SLC49A4: variants seen among roughly 807,000 people sequenced by gnomAD.
SLC49A4 encodes the protein disrupted in renal cancer protein 2.
Under a neutral mutation model 50.6 loss-of-function variants are expected in SLC49A4, and 36 were observed. That is an observed-to-expected ratio of 0.71 (90% CI 0.55 to 0.94). The LOEUF (loss-of-function observed/expected upper bound fraction) is 0.94, where lower values mean the gene tolerates loss of function less well. Ranked by LOEUF, SLC49A4 falls within the 40% of genes least tolerant of loss-of-function variation. The pLI is 0.00. For synonymous variants in SLC49A4, 248 were observed against 241.2 expected (o/e 1.03, Z -0.26); for missense variants, 503 against 605.7 (o/e 0.83, Z 1.78).
At chr3:122,812,662 T>C (rs1185815539) in intron 2 of SLC49A4, among the ~76,000 whole-genome samples, 2 of 152,226 alleles carry the variant, frequency 1.3e-5, no homozygotes. Flanking sequence ...CTCATTTAAA[T>C]TTGAGAACTA....
At chr3:122,845,186 A>T (rs1441983543) in intron 4 of SLC49A4, among the ~76,000 whole-genome samples, 1 of 152,002 alleles carries the variant, frequency 6.6e-6, no homozygotes, top group Non-Finnish European at 1.5e-5. Flanking sequence ...CTTGATGTTT[A>T]GCTCCCACTG....
intron 6 of SLC49A4, among the ~76,000 whole-genome samples, chr3:122,859,137 C>T (rs535844200): frequency 1.3e-5 from 2 of 152,304 alleles, no homozygotes; most frequent in African/African-American, 4.8e-5. Flanking sequence ...GGAAAGACTT[C>T]TTCACTGAGC....
chr3:122,826,846 G>C lies in SLC49A4; in HGVS notation c.484G>C (p.Val162Leu). 1 of 1,614,148 alleles carries C rather than the reference G, an allele frequency of 6.2e-7. No homozygotes were observed. Among genetic ancestry groups the C allele is most frequent in the African/African-American group, 1.3e-5 (1 of 75,048 alleles). Reference sequence around the variant, plus strand: ...GTTAAATGGATTGGCAGGTCCAACTGTAATGAATGCAGCACCATTTCTCTC... The same window carrying C: ...GTTAAATGGATTGGCAGGTCCAACTCTAATGAATGCAGCACCATTTCTCTC... ...QMLNGLAGPT[V>L]MNAAPFLSTT... Residue 162 changes from valine (V) to leucine (L), a missense_variant, in exon 3 of 9, where the codon GTA (valine) becomes CTA (leucine). Transcript: ENST00000261038.
intron 2 of SLC49A4, among the ~76,000 whole-genome samples, chr3:122,813,158 G>A (rs975187930): frequency 6.6e-6 from 1 of 151,446 alleles, no homozygotes; most frequent in Non-Finnish European, 1.5e-5. Flanking sequence ...GCTGAAGCAG[G>A]AGAATCCGGG....
At chr3:122,877,199 A>G (rs78833162) in intron 8 of SLC49A4, among the ~76,000 whole-genome samples, 1,600 of 152,302 alleles carry the variant, frequency 0.011, 29 homozygotes, top group African/African-American at 0.037. Flanking sequence ...AGAGCACCTA[A>G]ACAGTGGTTT....
At chr3:122,840,740 G>C (rs1936759507) in intron 4 of SLC49A4, among the ~76,000 whole-genome samples, 1 of 152,080 alleles carries the variant, frequency 6.6e-6, no homozygotes, top group African/African-American at 2.4e-5. Flanking sequence ...GAATATTTCA[G>C]ATATCACTAA....
chr3:122,860,010 T>G, intron 6 of SLC49A4, 65 bp from the exon 7 acceptor site: 2 of 1,291,782 alleles, frequency 1.5e-6, no homozygotes, highest in South Asian at 4.2e-5. Flanking sequence ...TTAGTGAAAG[T>G]GTGTCATTTG....
intron 2 of SLC49A4, among the ~76,000 whole-genome samples, chr3:122,818,381 G>GA (rs886636534): frequency 2.6e-5 from 4 of 152,074 alleles, no homozygotes; most frequent in African/African-American, 9.7e-5. Flanking sequence ...GAAAAGACTG[G>GA]AAAATCAAAA....
At chr3:122,841,622 A>T (rs562883642) in intron 4 of SLC49A4, among the ~76,000 whole-genome samples, 2 of 152,382 alleles carry the variant, frequency 1.3e-5, no homozygotes, top group African/African-American at 4.8e-5. Flanking sequence ...AAATAAAATT[A>T]AAAACTCAGT....
At chr3:122,838,618 A>T (rs969606494) in intron 4 of SLC49A4, among the ~76,000 whole-genome samples, 1 of 151,946 alleles carries the variant, frequency 6.6e-6, no homozygotes, top group Non-Finnish European at 1.5e-5. Flanking sequence ...ATGACGAGTT[A>T]ATGGGTGCAG....
chr3:122,848,722 A>G (rs561189376), intron 5 of SLC49A4, among the ~76,000 whole-genome samples: 4 of 149,328 alleles, frequency 2.7e-5, no homozygotes, highest in African/African-American at 9.8e-5. Flanking sequence ...TTTGGGGGGG[A>G]TATATAATAT....
chr3:122,870,487 G>A (rs1438654657), intron 7 of SLC49A4, among the ~76,000 whole-genome samples: 1 of 151,598 alleles, frequency 6.6e-6, no homozygotes, highest in Non-Finnish European at 1.5e-5. Flanking sequence ...GGGATTACAG[G>A]CATGAGCCAT....
At chr3:122,844,753 T>G (rs9828317) in intron 4 of SLC49A4, among the ~76,000 whole-genome samples, 87,946 of 150,966 alleles carry the variant, frequency 0.58, 26,285 homozygotes, top group Middle Eastern at 0.67. Flanking sequence ...TTGCACTCCA[T>G]CCTGGGCTAC....
intron 4 of SLC49A4, 75 bp from the exon 5 acceptor site, chr3:122,845,688 C>G: frequency 2.1e-6 from 1 of 467,976 alleles, no homozygotes; most frequent in Non-Finnish European, 3.1e-6. Flanking sequence ...TTCCAAATGA[C>G]ATACATTTTT....
chr3:122,866,983 A>G (rs1937129734), intron 7 of SLC49A4, among the ~76,000 whole-genome samples: 1 of 152,130 alleles, frequency 6.6e-6, no homozygotes. Flanking sequence ...GGTGTCCATC[A>G]TATTCCTTAG....
Position 122,795,457 on chromosome 3 carries a change from G to A in SLC49A4, c.265G>A (p.Asp89Asn), listed in dbSNP as rs766361859. 1.1e-5 allele frequency: 17 copies of A among 1,607,386 alleles called. No homozygotes were observed. Among genetic ancestry groups the A allele is most frequent in the Non-Finnish European group, 1.4e-5 (16 of 1,179,162 alleles). The change falls in exon 1 of 9, where the codon GAC (aspartate) becomes AAC (asparagine). Residue 89 changes from aspartate to asparagine, a missense_variant. Physicochemically the swap from Asp to Asn is conservative, Grantham distance 23. Coordinates refer to ENST00000261038, the MANE Select transcript of SLC49A4 (RefSeq NM_032839.3). Reference protein sequence around the residue: ...ARQAYGFSSWDIALLVLWGPI... With the variant: ...ARQAYGFSSWNIALLVLWGPI... ...CCAGGCCTACGGCTTCTCCAGCTGG[G>A]ACATCGCGCTGCTCGTGCTGTGGGG...
intron 1 of SLC49A4, 69 bp downstream of exon 1, chr3:122,795,604 G>A: frequency 6.6e-7 from 1 of 1,512,292 alleles, no homozygotes; most frequent in East Asian, 2.6e-5. Flanking sequence ...CGCGCTCCAG[G>A]CCTGCCAGCC....
chr3:122,845,117 A>G (rs1468622367), intron 4 of SLC49A4, among the ~76,000 whole-genome samples: 1 of 151,854 alleles, frequency 6.6e-6, no homozygotes, highest in Non-Finnish European at 1.5e-5. Flanking sequence ...CCCTCCTCCC[A>G]CCCTGCACCC....
chr3:122,839,355 C>A (rs4491841), intron 4 of SLC49A4, among the ~76,000 whole-genome samples: 14,395 of 151,868 alleles, frequency 0.095, 748 homozygotes, highest in East Asian at 0.14. Flanking sequence ...TGACTAATAC[C>A]CCAAAAGCAA....
Sources: allele counts gnomAD v4.1 joint callset (sites outside exome capture counted in the v4.1 genomes callset), GRCh38; gene constraint gnomAD v4.1.1; transcripts MANE v1.5; gene names NCBI Gene and HGNC (gene_info 2026-07-23, HGNC 2026-07-21).